Variants in UGGT2 observed in about 807,000 individuals in gnomAD.
UGGT2 encodes the protein UDP-glucose glycoprotein glucosyltransferase 2, also known as UDP-glucose:glycoprotein glucosyltransferase 2.
In UGGT2, 180 loss-of-function variants were observed where a neutral mutation model predicts 192.1. The ratio of observed to expected loss-of-function variants is 0.94; its 90% CI spans 0.83 to 1.06. The LOEUF is 1.06. Among genes scored for constraint, UGGT2 ranks in the 50% least tolerant of loss-of-function variants. UGGT2 has a pLI of 0.00. For synonymous variants in UGGT2, 580 were observed against 591.0 expected, an observed-to-expected ratio of 0.98 and a Z score of 0.27; for missense variants, 1,849 against 1,795.7, an observed-to-expected ratio of 1.03 and a Z score of -0.54.
rs1433845737 is a variant in UGGT2 at position 95,970,212 on chromosome 13, T to C, written c.1235A>G (p.Asn412Ser). The C allele has an allele frequency of 1.9e-6, 3 of 1,613,402 alleles. No homozygotes were observed. In the Admixed American group the frequency reaches 5.0e-5, roughly 27 times the overall value. Residue 412 changes from asparagine (N) to serine (S), a missense_variant, in exon 12 of 39, where the codon AAT (asparagine) becomes AGT (serine). Coordinates refer to ENST00000376747, the MANE Select transcript of UGGT2 (RefSeq NM_020121.4). ...LEGKMMNGLR[N>S]LGINGEDMSK... is the part of the protein sequence containing the mutation. ...CATATCTTCCCCATTGATCCCAAGA[T>C]TGCGAAGGCCATTCATCATTTTTCC...
At chr13:95,948,130 A>T (rs2049938887) in intron 13 of UGGT2, 49 bp from the exon 14 acceptor site, 1 of 1,462,388 alleles carries the variant, frequency 6.8e-7, no homozygotes, top group Non-Finnish European at 9.4e-7. Context: ...TAGAATCTTC[A>T]TGAAATTCAA....
At chr13:95,855,204 C>T (rs1039555973) in intron 34 of UGGT2, among the ~76,000 whole-genome samples, 5 of 150,230 alleles carry the variant, frequency 3.3e-5, no homozygotes, top group African/African-American at 7.3e-5. Context: ...GAGGATGGCT[C>T]GAATGCAGGA....
intron 7 of UGGT2, chr13:95,995,375 A>G (rs2051586206): frequency 6.7e-6 from 1 of 149,992 alleles, no homozygotes; most frequent in African/African-American, 2.4e-5. Flanking sequence ...AAAAAAAGAA[A>G]CAACATTTCA....
At chr13:95,935,510 A>T (rs778165410) in intron 17 of UGGT2, among the ~76,000 whole-genome samples, 3 of 152,108 alleles carry the variant, frequency 2.0e-5, no homozygotes, top group Admixed American at 2.0e-4. Flanking sequence ...TGTTAGTTTG[A>T]TGGGGTTCCC....
chr13:95,867,680 T>C (rs1235405152), intron 29 of UGGT2, among the ~76,000 whole-genome samples: 1 of 152,156 alleles, frequency 6.6e-6, no homozygotes, highest in Non-Finnish European at 1.5e-5. Flanking sequence ...CCAATCACTC[T>C]GAAAGTTCAA....
At chr13:95,871,357 T>A (rs991296931) in intron 29 of UGGT2, among the ~76,000 whole-genome samples, 4 of 152,072 alleles carry the variant, frequency 2.6e-5, no homozygotes, top group African/African-American at 9.7e-5. Flanking sequence ...GAAAAGGGAT[T>A]GTGTGAGATG....
At chr13:95,807,190 A>G (rs1208286779) in intron 38 of UGGT2, among the ~76,000 whole-genome samples, 1 of 152,232 alleles carries the variant, frequency 6.6e-6, no homozygotes, top group African/African-American at 2.4e-5. Flanking sequence ...TAAGAAAATC[A>G]TAAGAGAAAA....
At chr13:96,052,659 G>C (rs1023749566) in intron 1 of UGGT2, among the ~76,000 whole-genome samples, 4 of 152,152 alleles carry the variant, frequency 2.6e-5, no homozygotes, top group Non-Finnish European at 5.9e-5. Flanking sequence ...AAATGCAATA[G>C]CTACAAGTTT....
At chr13:95,929,594 A>C (rs76050497) in intron 17 of UGGT2, among the ~76,000 whole-genome samples, 214 of 152,334 alleles carry the variant, frequency 1.4e-3, no homozygotes, top group African/African-American at 4.7e-3. Flanking sequence ...CCTCCAGCTG[A>C]GTCCATGTTG....
chr13:95,864,498 A>G (rs911718775), intron 30 of UGGT2, among the ~76,000 whole-genome samples: 1 of 152,182 alleles, frequency 6.6e-6, no homozygotes, highest in Non-Finnish European at 1.5e-5. Context: ...GTTTCCTCCT[A>G]TGGCCACTGT....
chr13:95,931,566 G>A (rs1388014187), intron 17 of UGGT2, among the ~76,000 whole-genome samples: 2 of 151,980 alleles, frequency 1.3e-5, no homozygotes, highest in Non-Finnish European at 2.9e-5. Context: ...GGGGGTGGGG[G>A]GGAGGCTCAG....
Position 96,013,407 on chromosome 13 carries a change from T to C in UGGT2, c.560A>G (p.Tyr187Cys), listed in dbSNP as rs557910215. 11 of 1,609,454 alleles carry C rather than the reference T, an allele frequency of 6.8e-6. No homozygotes were observed. Among genetic ancestry groups the C allele is most frequent in the East Asian group, 2.2e-5 (1 of 44,638 alleles). Residue 187 changes from tyrosine (Y) to cysteine (C), a missense_variant, in exon 5 of 39, where the codon TAT becomes TGT. Transcript: ENST00000376747. The part of the protein sequence containing the change: ...NKENLPVVIL[Y>C]AEMGTRTFSA... Reference sequence around the variant, plus strand: ...AAATGTTCTAGTACCCATTTCGGCATAGAGAATCACCACTGGTAAGTTCTC... The same window carrying C: ...AAATGTTCTAGTACCCATTTCGGCACAGAGAATCACCACTGGTAAGTTCTC...
intron 5 of UGGT2, among the ~76,000 whole-genome samples, chr13:96,009,569 G>T (rs555250428): frequency 2.0e-5 from 3 of 152,160 alleles, no homozygotes; most frequent in South Asian, 2.1e-4. Context: ...CAGCACTTTG[G>T]GGGGCTGAGG....
At chr13:95,987,231 T>C (rs1300312101) in intron 8 of UGGT2, among the ~76,000 whole-genome samples, 1 of 152,156 alleles carries the variant, frequency 6.6e-6, no homozygotes. Context: ...ATGTTTTATA[T>C]ATTCTCTCTA....
chr13:96,018,566 G>A (rs931253198), intron 4 of UGGT2, among the ~76,000 whole-genome samples: 1 of 151,744 alleles, frequency 6.6e-6, no homozygotes, highest in Non-Finnish European at 1.5e-5. Flanking sequence ...ATATCTGGGG[G>A]AAAGTGACAG....
At chr13:95,925,863 AAAAATT>A in intron 19 of UGGT2, 89 bp from the exon 20 acceptor site, 1 of 792,014 alleles carries the variant, frequency 1.3e-6, no homozygotes, top group Non-Finnish European at 1.9e-6. Flanking sequence ...ACACATTAAA[AAAAATT>A]AAAATAATAT....
At chr13:95,831,779 A>G (rs566666853) in intron 38 of UGGT2, among the ~76,000 whole-genome samples, 1 of 152,152 alleles carries the variant, frequency 6.6e-6, no homozygotes, top group East Asian at 1.9e-4. Context: ...CCAATTTGAT[A>G]AAAGAAATAC....
At chr13:95,887,853 C>G in intron 26 of UGGT2, 39 bp downstream of exon 26, 1 of 1,309,520 alleles carries the variant, frequency 7.6e-7, no homozygotes, top group African/African-American at 1.5e-5. Flanking sequence ...TCAGCATTTA[C>G]AAATTTTTCA....
intron 1 of UGGT2, among the ~76,000 whole-genome samples, chr13:96,039,797 G>A (rs1305591941): frequency 6.6e-6 from 1 of 152,096 alleles, no homozygotes; most frequent in Non-Finnish European, 1.5e-5. Flanking sequence ...AAGTCAGCCG[G>A]TATTGTATCA....
Sources: allele counts gnomAD v4.1 joint callset (sites outside exome capture counted in the v4.1 genomes callset), GRCh38; gene constraint gnomAD v4.1.1; transcripts MANE v1.5; gene names NCBI Gene and HGNC (gene_info 2026-07-23, HGNC 2026-07-21).